The following HS6ST3 variants were observed in gnomAD, a reference collection of about 807,000 sequenced individuals.
The protein encoded by HS6ST3 is heparan-sulfate 6-O-sulfotransferase 3.
HS6ST3 carries 12 observed loss-of-function variants against 36.7 expected under a neutral mutation model. The observed-to-expected ratio is 0.33, with a 90% CI of 0.21 to 0.53. HS6ST3 has a LOEUF of 0.53. Ranked by LOEUF, HS6ST3 falls within the 20% of genes least tolerant of loss-of-function variation. The probability of loss-of-function intolerance (pLI) is 0.95; values close to 1 mark genes in which losing one functional copy is unlikely to be tolerated. For synonymous variants in HS6ST3, 240 were observed against 257.5 expected (o/e 0.93, Z 0.65); for missense variants, 584 against 640.9 (o/e 0.91, Z 0.96).
intron 1 of HS6ST3, among the ~76,000 whole-genome samples, chr13:96,254,426 AAAAAAAAAAAAAAAAAAAAAAAATAT>A (rs2054622232): frequency 8.6e-5 from 2 of 23,224 alleles, no homozygotes; most frequent in Non-Finnish European, 1.1e-4. Context: ...AAAAAAAAAA[AAAAAAAAAAAAAAAAAAAAAAAATAT>A]ATATATATAT....
chr13:96,232,600 A>T (rs949356234), intron 1 of HS6ST3, among the ~76,000 whole-genome samples: 1 of 152,080 alleles, frequency 6.6e-6, no homozygotes, highest in African/African-American at 2.4e-5. Flanking sequence ...AAAATCACAG[A>T]TGGGAGTGTC....
intron 1 of HS6ST3, among the ~76,000 whole-genome samples, chr13:96,189,187 C>T (rs1302732989): frequency 6.6e-6 from 1 of 151,808 alleles, no homozygotes; most frequent in Non-Finnish European, 1.5e-5. Context: ...TTTTAATGCT[C>T]TTTTTATTTA....
intron 1 of HS6ST3, among the ~76,000 whole-genome samples, chr13:96,253,842 T>C (rs994305658): frequency 6.6e-6 from 1 of 152,214 alleles, no homozygotes; most frequent in African/African-American, 2.4e-5. Flanking sequence ...TTTTCTATGA[T>C]GGGGCTCCAT....
intron 1 of HS6ST3, among the ~76,000 whole-genome samples, chr13:96,118,078 G>A (rs536212679): frequency 1.5e-4 from 23 of 151,600 alleles, no homozygotes; most frequent in Non-Finnish European, 1.8e-4. Flanking sequence ...TACTATGTTG[G>A]CCAGGCTGGT....
At chr13:96,575,359 A>C (rs559430003) in intron 1 of HS6ST3, among the ~76,000 whole-genome samples, 1 of 152,332 alleles carries the variant, frequency 6.6e-6, no homozygotes, top group Admixed American at 6.5e-5. Flanking sequence ...TACTGGTAGC[A>C]GTGCCTATAG....
At chr13:96,521,050 T>G (rs966701316) in intron 1 of HS6ST3, among the ~76,000 whole-genome samples, 1 of 152,256 alleles carries the variant, frequency 6.6e-6, no homozygotes, top group African/African-American at 2.4e-5. Context: ...TTGAGTGTTT[T>G]TAGCATAGAA....
intron 1 of HS6ST3, among the ~76,000 whole-genome samples, chr13:96,141,178 C>T (rs886818493): frequency 6.6e-5 from 10 of 152,186 alleles, no homozygotes; most frequent in Non-Finnish European, 8.8e-5. Flanking sequence ...TGATGAGGAC[C>T]GAATTTACAA....
intron 1 of HS6ST3, among the ~76,000 whole-genome samples, chr13:96,524,517 C>T (rs1436210113): frequency 2.0e-5 from 3 of 152,208 alleles, no homozygotes; most frequent in Non-Finnish European, 2.9e-5. Flanking sequence ...TGGGCTCCAC[C>T]CAGTTCAAGC....
chr13:96,430,471 C>T (rs994261271), intron 1 of HS6ST3, among the ~76,000 whole-genome samples: 5 of 152,160 alleles, frequency 3.3e-5, no homozygotes, highest in African/African-American at 4.8e-5. Context: ...CCCTCCATTC[C>T]GCTTCAGAGA....
rs368666736 is a variant in HS6ST3 at position 96,833,225 on chromosome 13, G to T, written c.*27G>T. On this transcript the variant is annotated 3_prime_UTR_variant, in exon 2 of 2. Coordinates refer to ENST00000376705, the MANE Select transcript of HS6ST3 (RefSeq NM_153456.4). ...CTCCTGCCCTCTCCTCTCTCAGGAG[G>T]GGGAGGGTGAGCAGGCACATTGACT... 5.8e-5 allele frequency: 85 copies of T among 1,466,394 alleles called. No homozygotes were observed. In the African/African-American group the frequency reaches 1.1e-3, roughly 19 times the overall value. 90.8% of individuals were successfully genotyped at this position (1,466,394 alleles called of 1,614,324 possible).
At chr13:96,827,019 A>G (rs985934607) in intron 1 of HS6ST3, among the ~76,000 whole-genome samples, 1 of 152,208 alleles carries the variant, frequency 6.6e-6, no homozygotes, top group Non-Finnish European at 1.5e-5. Flanking sequence ...CAAATGGAAG[A>G]TCTGCTGACA....
chr13:96,394,231 C>T (rs1469817628), intron 1 of HS6ST3, among the ~76,000 whole-genome samples: 1 of 151,972 alleles, frequency 6.6e-6, no homozygotes, highest in Non-Finnish European at 1.5e-5. Context: ...ACAGCTATGC[C>T]TGTGGCCCTT....
intron 1 of HS6ST3, among the ~76,000 whole-genome samples, chr13:96,495,512 C>T (rs1290866949): frequency 1.3e-5 from 2 of 152,146 alleles, no homozygotes; most frequent in Non-Finnish European, 2.9e-5. Context: ...AAAATCACTA[C>T]GGAGTAAGTG....
chr13:96,478,742 C>T (rs535349062), intron 1 of HS6ST3, among the ~76,000 whole-genome samples: 11 of 152,194 alleles, frequency 7.2e-5, no homozygotes, highest in African/African-American at 2.6e-4. Flanking sequence ...GCAGATACTA[C>T]GATTTACAAC....
chr13:96,675,479 G>A (rs972210240), intron 1 of HS6ST3, among the ~76,000 whole-genome samples: 8 of 152,072 alleles, frequency 5.3e-5, no homozygotes, highest in Non-Finnish European at 7.4e-5. Flanking sequence ...AGAAGAAAGA[G>A]CATTTGGGTT....
intron 1 of HS6ST3, among the ~76,000 whole-genome samples, chr13:96,446,443 A>G (rs143388450): frequency 9.8e-4 from 150 of 152,294 alleles, no homozygotes; most frequent in Middle Eastern, 3.4e-3. Flanking sequence ...AGAACTCTTT[A>G]TATGTGCCAA....
At chr13:96,208,236 T>A (rs1318259918) in intron 1 of HS6ST3, among the ~76,000 whole-genome samples, 1 of 152,220 alleles carries the variant, frequency 6.6e-6, no homozygotes, top group Non-Finnish European at 1.5e-5. Flanking sequence ...TGACATTTTT[T>A]ATTTCATGTA....
chr13:96,589,055 G>GAAAAA (rs774694159), intron 1 of HS6ST3, among the ~76,000 whole-genome samples: 5 of 51,374 alleles, frequency 9.7e-5, no homozygotes, highest in East Asian at 6.4e-4. Flanking sequence ...CATCTCAAGA[G>GAAAAA]AAAAAAAAAA....
intron 1 of HS6ST3, among the ~76,000 whole-genome samples, chr13:96,788,431 G>A (rs2138518577): frequency 6.6e-6 from 1 of 151,798 alleles, no homozygotes; most frequent in Middle Eastern, 3.4e-3. Flanking sequence ...ATATATCATG[G>A]TCATCTATCT....
Sources: allele counts gnomAD v4.1 joint callset (sites outside exome capture counted in the v4.1 genomes callset), GRCh38; gene constraint gnomAD v4.1.1; transcripts MANE v1.5; gene names NCBI Gene and HGNC (gene_info 2026-07-23, HGNC 2026-07-21).